Variants in OR2L13 observed in about 807,000 individuals in gnomAD.
OR2L13 encodes olfactory receptor family 2 subfamily L member 13, also known as olfactory receptor 2L13.
In OR2L13, 14 loss-of-function variants were observed where a neutral mutation model predicts 15.3. That is an observed-to-expected ratio of 0.91 (90% CI 0.60 to 1.43). The LOEUF (loss-of-function observed/expected upper bound fraction) is 1.43. Among genes scored for constraint, OR2L13 ranks in the 40% most tolerant of loss-of-function variants. The probability of loss-of-function intolerance (pLI) is 0.00; values close to 1 mark genes in which losing one functional copy is unlikely to be tolerated. For synonymous variants in OR2L13, 152 were observed against 142.9 expected, an observed-to-expected ratio of 1.06 and a Z score of -0.45; for missense variants, 367 against 387.9, an observed-to-expected ratio of 0.95 and a Z score of 0.45.
the OR2L13 span, among the ~76,000 whole-genome samples, chr1:247,974,239 T>C: frequency 3.3e-5 from 5 of 151,962 alleles, no homozygotes; most frequent in African/African-American, 9.6e-5. Flanking sequence ...CGTGGACACA[T>C]GGAGGGGAAC....
chr1:247,959,939 A>G, the OR2L13 span, among the ~76,000 whole-genome samples: 1 of 45,772 alleles, frequency 2.2e-5, no homozygotes, highest in Non-Finnish European at 1.5e-4. Context: ...TCTTCTCTCA[A>G]CTCGTCAGTC....
At chr1:248,036,242 T>G in the OR2L13 span, among the ~76,000 whole-genome samples, 217 of 152,270 alleles carry the variant, frequency 1.4e-3, no homozygotes, top group African/African-American at 4.9e-3. Flanking sequence ...TCTAATCTTT[T>G]CAGTTTTTTT....
At chr1:248,073,286 C>G in the OR2L13 span, among the ~76,000 whole-genome samples, 2 of 152,284 alleles carry the variant, frequency 1.3e-5, no homozygotes, top group Non-Finnish European at 2.9e-5. Flanking sequence ...CCATGGAATA[C>G]TATGCAGCCA....
At chr1:247,991,102 A>G in the OR2L13 span, 2 of 1,603,518 alleles carry the variant, frequency 1.2e-6, no homozygotes, top group Non-Finnish European at 1.7e-6. Context: ...CTTCTACACC[A>G]TCCTCACTCC....
At chr1:248,022,898 G>T in the OR2L13 span, 1 of 1,589,558 alleles carries the variant, frequency 6.3e-7, no homozygotes, top group Non-Finnish European at 8.6e-7. Flanking sequence ...CATACGTTCT[G>T]TGTTAGAGTC....
At chr1:248,031,838 A>G in the OR2L13 span, among the ~76,000 whole-genome samples, 1 of 152,122 alleles carries the variant, frequency 6.6e-6, no homozygotes, top group Non-Finnish European at 1.5e-5. Flanking sequence ...TTCTTTTTTA[A>G]AAATAGGGTA....
the OR2L13 span, among the ~76,000 whole-genome samples, chr1:248,037,637 C>A: frequency 6.6e-6 from 1 of 152,144 alleles, no homozygotes; most frequent in African/African-American, 2.4e-5. Context: ...ATGAGTTCAT[C>A]ATTTAAGTGT....
chr1:247,950,374 T>A, the OR2L13 span, among the ~76,000 whole-genome samples: 8 of 152,140 alleles, frequency 5.3e-5, no homozygotes, highest in African/African-American at 1.9e-4. Flanking sequence ...ATGCTTTCTG[T>A]AGTGGAATGA....
At chr1:247,948,798 G>A in the OR2L13 span, 56 of 1,420,108 alleles carry the variant, frequency 3.9e-5, no homozygotes, top group East Asian at 1.1e-4. Context: ...AGATAAGGGC[G>A]AATTACTGTA....
the OR2L13 span, among the ~76,000 whole-genome samples, chr1:247,964,272 T>C: frequency 6.6e-6 from 1 of 152,196 alleles, no homozygotes; most frequent in Non-Finnish European, 1.5e-5. Context: ...CATATCAGGA[T>C]TGATGGGCAC....
At chr1:248,040,299 C>T in the OR2L13 span, 1 of 152,156 alleles carries the variant, frequency 6.6e-6, no homozygotes, top group African/African-American at 2.4e-5. Context: ...AGAGCCCATT[C>T]CTGAGAGACT....
the OR2L13 span, among the ~76,000 whole-genome samples, chr1:248,017,525 C>G: frequency 6.6e-6 from 1 of 152,184 alleles, no homozygotes; most frequent in African/African-American, 2.4e-5. Flanking sequence ...TAGAAAGAGA[C>G]TTTTTCTTCC....
At chr1:248,056,804 T>C in the OR2L13 span, among the ~76,000 whole-genome samples, 1 of 151,724 alleles carries the variant, frequency 6.6e-6, no homozygotes, top group Non-Finnish European at 1.5e-5. Flanking sequence ...CACGCCACCA[T>C]ACTCGGCTAA....
At chr1:248,046,043 G>GCCC in the OR2L13 span, among the ~76,000 whole-genome samples, 1 of 151,876 alleles carries the variant, frequency 6.6e-6, no homozygotes, top group Non-Finnish European at 1.5e-5. Context: ...CAGATAGATG[G>GCCC]TATAATTAAT....
the OR2L13 span, among the ~76,000 whole-genome samples, chr1:248,047,399 A>G: frequency 6.6e-6 from 1 of 152,188 alleles, no homozygotes; most frequent in East Asian, 1.9e-4. Flanking sequence ...GTTTTTGCAT[A>G]AAAATGTTAA....
At chr1:248,063,507 G>C in the OR2L13 span, 1 of 152,218 alleles carries the variant, frequency 6.6e-6, no homozygotes, top group Non-Finnish European at 1.5e-5. Context: ...TACTAACAAA[G>C]TTTACTGCCT....
At chr1:248,100,188 G>A (rs542765886) in exon 3 of OR2L13, 2 of 1,613,754 alleles carry the variant, frequency 1.2e-6, no homozygotes, top group South Asian at 2.2e-5. Flanking sequence ...CTGAAGACAA[G>A]ATCCTGGCAG....
chr1:248,043,401 A>G, the OR2L13 span, among the ~76,000 whole-genome samples: 1 of 152,184 alleles, frequency 6.6e-6, no homozygotes, highest in Non-Finnish European at 1.5e-5. Flanking sequence ...ATCTATTTAC[A>G]TGGGCCGATA....
At chr1:248,066,232 T>C in the OR2L13 span, among the ~76,000 whole-genome samples, 2 of 152,222 alleles carry the variant, frequency 1.3e-5, no homozygotes, top group African/African-American at 2.4e-5. Flanking sequence ...AAGATTCCCA[T>C]GTACATGTAA....
Sources: allele counts gnomAD v4.1 joint callset (sites outside exome capture counted in the v4.1 genomes callset), GRCh38; gene constraint gnomAD v4.1.1; transcripts MANE v1.5; gene names NCBI Gene and HGNC (gene_info 2026-07-23, HGNC 2026-07-21).